Variants in UNC13C observed in about 807,000 individuals in gnomAD.
The protein encoded by UNC13C is protein unc-13 homolog C.
Under a neutral mutation model 245.4 loss-of-function variants are expected in UNC13C, and 174 were observed. That is an observed-to-expected ratio of 0.71 (90% confidence interval 0.63 to 0.80). The LOEUF is 0.80. UNC13C is among the 30% of genes least tolerant of loss of function. UNC13C has a pLI of 0.00. For synonymous variants in UNC13C, 992 were observed against 895.1 expected (o/e 1.11, Z -1.93); for missense variants, 2,829 against 2,602.9 (o/e 1.09, Z -1.89).
chr15:54,230,180 T>A (rs2035510798), intron 4 of UNC13C, among the ~76,000 whole-genome samples: 1 of 152,148 alleles, frequency 6.6e-6, no homozygotes, highest in South Asian at 2.1e-4. Context: ...TTTTCCACAA[T>A]GGCTGTATTA....
At chr15:53,897,744 A>T in the UNC13C span, among the ~76,000 whole-genome samples, 1 of 152,052 alleles carries the variant, frequency 6.6e-6, no homozygotes, top group Admixed American at 6.6e-5. Flanking sequence ...CTCTACGTAG[A>T]CCCCTTTCTT....
At chr15:54,154,773 G>A (rs1864419) in intron 4 of UNC13C, among the ~76,000 whole-genome samples, 149,317 of 152,252 alleles carry the variant, frequency 0.98, 73,289 homozygotes, top group Middle Eastern at 1. Context: ...TCATGTTAGA[G>A]GTCTTCAAGT....
chr15:54,222,517 A>C (rs567148105), intron 4 of UNC13C, among the ~76,000 whole-genome samples: 1 of 152,216 alleles, frequency 6.6e-6, no homozygotes, highest in East Asian at 1.9e-4. Flanking sequence ...GGTTGCTCCT[A>C]AGTCTTGGCT....
At chr15:54,310,017 T>C (rs1405864124) in intron 13 of UNC13C, among the ~76,000 whole-genome samples, 1 of 151,884 alleles carries the variant, frequency 6.6e-6, no homozygotes, top group Admixed American at 6.6e-5. Context: ...TGTTTTAATG[T>C]TAATCCATTG....
intron 4 of UNC13C, among the ~76,000 whole-genome samples, chr15:54,172,887 A>G (rs972526276): frequency 6.6e-6 from 1 of 150,562 alleles, no homozygotes; most frequent in African/African-American, 2.4e-5. Context: ...GAGACTTGTG[A>G]TCCATTATAG....
chr15:54,056,401 G>A (rs1329020198), intron 2 of UNC13C, among the ~76,000 whole-genome samples: 2 of 152,040 alleles, frequency 1.3e-5, no homozygotes, highest in African/African-American at 2.4e-5. Context: ...ATGAAGAGAA[G>A]TTTAGAGAAA....
At chr15:54,106,944 T>C (rs1900478003) in intron 2 of UNC13C, among the ~76,000 whole-genome samples, 1 of 152,238 alleles carries the variant, frequency 6.6e-6, no homozygotes, top group South Asian at 2.1e-4. Context: ...TCTTATATGT[T>C]CCCTGCTGTG....
chr15:54,177,594 T>G (rs1207872029), intron 4 of UNC13C, among the ~76,000 whole-genome samples: 3 of 152,150 alleles, frequency 2.0e-5, no homozygotes. Flanking sequence ...TTCTCTTTGC[T>G]TCTTTGATTC....
At chr15:53,964,281 G>T in the UNC13C span, among the ~76,000 whole-genome samples, 6 of 152,114 alleles carry the variant, frequency 3.9e-5, no homozygotes, top group Admixed American at 1.3e-4. Flanking sequence ...TAACAATTTT[G>T]CAGAGATGTT....
intron 10 of UNC13C, among the ~76,000 whole-genome samples, chr15:54,271,323 G>T (rs895172197): frequency 1.3e-5 from 2 of 152,146 alleles, no homozygotes; most frequent in African/African-American, 2.4e-5. Context: ...TAAATCTAAG[G>T]TGCTGGTTAT....
At chr15:53,845,715 A>C in the UNC13C span, among the ~76,000 whole-genome samples, 1 of 152,170 alleles carries the variant, frequency 6.6e-6, no homozygotes, top group Admixed American at 6.5e-5. Context: ...GATTCAGTCC[A>C]TGAAGTGGTA....
At chr15:54,570,943 A>G (rs557086693) in intron 30 of UNC13C, among the ~76,000 whole-genome samples, 1 of 152,332 alleles carries the variant, frequency 6.6e-6, no homozygotes, top group East Asian at 1.9e-4. Flanking sequence ...TTATTTATAT[A>G]AAGTGCTATA....
intron 1 of UNC13C, among the ~76,000 whole-genome samples, chr15:53,981,133 G>A (rs1280728253): frequency 2.0e-5 from 3 of 152,040 alleles, no homozygotes; most frequent in Non-Finnish European, 2.9e-5. Flanking sequence ...TCTTTTCCCC[G>A]ATTCTCCAGG....
chr15:53,883,601 G>T, the UNC13C span, among the ~76,000 whole-genome samples: 1 of 152,164 alleles, frequency 6.6e-6, no homozygotes, highest in African/African-American at 2.4e-5. Flanking sequence ...ACAGATGTTG[G>T]TTCCTTTATT....
intron 30 of UNC13C, among the ~76,000 whole-genome samples, chr15:54,594,067 G>A (rs1898939301): frequency 6.6e-6 from 1 of 152,152 alleles, no homozygotes; most frequent in Admixed American, 6.6e-5. Context: ...GGCTTCCTGT[G>A]AGCCATACTG....
At chr15:54,389,114 C>G (rs934072603) in intron 17 of UNC13C, among the ~76,000 whole-genome samples, 8 of 152,196 alleles carry the variant, frequency 5.3e-5, no homozygotes, top group African/African-American at 1.9e-4. Context: ...TGATTTGACC[C>G]CTGCATTTAT....
At chr15:54,025,044 T>A (rs781256607) in intron 2 of UNC13C, among the ~76,000 whole-genome samples, 1 of 152,244 alleles carries the variant, frequency 6.6e-6, no homozygotes, top group Non-Finnish European at 1.5e-5. Context: ...ATAAAAGTGA[T>A]TAATAATTGG....
chr15:54,093,740 ACC>A (rs1899696524), intron 2 of UNC13C, among the ~76,000 whole-genome samples: 1 of 152,178 alleles, frequency 6.6e-6, no homozygotes, highest in African/African-American at 2.4e-5. Context: ...TATCAATAAC[ACC>A]TTTTCAATTC....
chr15:54,006,834 T>C (rs1595704106), intron 1 of UNC13C, among the ~76,000 whole-genome samples: 1 of 152,168 alleles, frequency 6.6e-6, no homozygotes, highest in South Asian at 2.1e-4. Context: ...GCTACTCTGG[T>C]TTTCTTCTTT....
Sources: allele counts gnomAD v4.1 joint callset (sites outside exome capture counted in the v4.1 genomes callset), GRCh38; gene constraint gnomAD v4.1.1; transcripts MANE v1.5; gene names NCBI Gene and HGNC (gene_info 2026-07-23, HGNC 2026-07-21).